The following LDLRAD3 variants were observed in gnomAD, a reference collection of about 807,000 sequenced individuals.
The protein encoded by LDLRAD3 is low density lipoprotein receptor class A domain containing 3.
In LDLRAD3, 20 loss-of-function variants were observed where a neutral mutation model predicts 29.4. The observed-to-expected ratio is 0.68, with a 90% CI of 0.48 to 0.99. The LOEUF is 0.99. LDLRAD3 is among the 50% of genes least tolerant of loss of function. LDLRAD3 has a pLI of 0.00. For synonymous variants in LDLRAD3, 157 were observed against 192.7 expected (o/e 0.81, Z 1.53); for missense variants, 420 against 454.3 (o/e 0.92, Z 0.69).
intron 2 of LDLRAD3, among the ~76,000 whole-genome samples, chr11:36,050,980 A>G (rs1398735996): frequency 1.3e-5 from 2 of 152,100 alleles, no homozygotes; most frequent in African/African-American, 4.8e-5. Context: ...TAATGGCACT[A>G]ATCTCATTAA....
At chr11:36,013,466 C>A (rs1436727626) in intron 1 of LDLRAD3, among the ~76,000 whole-genome samples, 1 of 150,026 alleles carries the variant, frequency 6.7e-6, no homozygotes, top group African/African-American at 2.5e-5. Flanking sequence ...TTGCCCCCCA[C>A]CCCCCTACAG....
chr11:36,228,322 A>G (rs1855527894), intron 5 of LDLRAD3, among the ~76,000 whole-genome samples: 1 of 152,208 alleles, frequency 6.6e-6, no homozygotes, highest in East Asian at 1.9e-4. Flanking sequence ...AAATAAGTGT[A>G]AGAATTCAGG....
chr11:35,970,089 C>T (rs1289974457), intron 1 of LDLRAD3, among the ~76,000 whole-genome samples: 1 of 152,190 alleles, frequency 6.6e-6, no homozygotes, highest in Non-Finnish European at 1.5e-5. Context: ...TTACTGTGTG[C>T]TCCGGGTACT....
intron 3 of LDLRAD3, among the ~76,000 whole-genome samples, chr11:36,084,174 C>T (rs1258746419): frequency 1.3e-5 from 2 of 152,216 alleles, no homozygotes; most frequent in African/African-American, 4.8e-5. Flanking sequence ...ATCCTCCCGC[C>T]TTGGGTTCCC....
Position 36,123,163 on chromosome 11 carries a change from G to A in LDLRAD3, c.454+24702G>A, listed in dbSNP as rs530672782. On this transcript the variant is annotated intron_variant, in intron 4 of 5. Transcript: ENST00000315571. ...GATGGCACCACTGCATTCCAGCCTG[G>A]GCGACAGAGCGAGACTCCGTCTCAA... is the stretch of plus-strand genomic sequence containing the variant. 2.0e-5 allele frequency among the ~76,000 whole-genome samples: 3 copies of A among 152,284 alleles called. No individual in the cohort carries two copies. The South Asian group carries it at 6.2e-4, about 32-fold the overall frequency.
intron 2 of LDLRAD3, among the ~76,000 whole-genome samples, chr11:36,039,647 T>C (rs1413259343): frequency 6.6e-6 from 1 of 152,186 alleles, no homozygotes; most frequent in Non-Finnish European, 1.5e-5. Flanking sequence ...ACGGTTCAAT[T>C]ATCTGCTTTT....
intron 1 of LDLRAD3, among the ~76,000 whole-genome samples, chr11:36,033,024 A>G (rs954180118): frequency 6.6e-6 from 1 of 151,854 alleles, no homozygotes; most frequent in African/African-American, 2.4e-5. Flanking sequence ...ACAGGTGTGC[A>G]CCACCACACC....
intron 4 of LDLRAD3, among the ~76,000 whole-genome samples, chr11:36,216,142 A>G (rs1370708386): frequency 6.6e-6 from 1 of 152,206 alleles, no homozygotes; most frequent in Non-Finnish European, 1.5e-5. Context: ...GCCTCACTGT[A>G]TCACGAGAAG....
chr11:36,127,347 G>A (rs916946007), intron 4 of LDLRAD3, among the ~76,000 whole-genome samples: 2 of 152,168 alleles, frequency 1.3e-5, no homozygotes, highest in African/African-American at 2.4e-5. Context: ...AGTACTGAGA[G>A]GAAGGTGTTT....
intron 4 of LDLRAD3, among the ~76,000 whole-genome samples, chr11:36,142,841 T>TA (rs890132871): frequency 9.2e-5 from 14 of 152,180 alleles, no homozygotes; most frequent in East Asian, 5.8e-4. Flanking sequence ...TCTTGATTTT[T>TA]AAATATTGAA....
At chr11:36,181,316 T>C (rs1854759940) in intron 4 of LDLRAD3, among the ~76,000 whole-genome samples, 2 of 152,326 alleles carry the variant, frequency 1.3e-5, no homozygotes, top group Middle Eastern at 3.4e-3. Flanking sequence ...GTTCTCTGTC[T>C]TTTTGCAGCT....
chr11:35,983,056 G>T (rs975129174), intron 1 of LDLRAD3, among the ~76,000 whole-genome samples: 1 of 152,068 alleles, frequency 6.6e-6, no homozygotes, highest in Non-Finnish European at 1.5e-5. Context: ...GTTTTACCAT[G>T]TTGGCCAGGC....
At chr11:36,119,135 A>C (rs769369899) in intron 4 of LDLRAD3, among the ~76,000 whole-genome samples, 20 of 152,170 alleles carry the variant, frequency 1.3e-4, no homozygotes, top group Non-Finnish European at 2.1e-4. Context: ...TTCGTCCGTA[A>C]TTTTCTTGAT....
intron 4 of LDLRAD3, among the ~76,000 whole-genome samples, chr11:36,203,591 G>A (rs983109594): frequency 1.3e-5 from 2 of 152,160 alleles, no homozygotes; most frequent in South Asian, 2.1e-4. Flanking sequence ...GCCGGAGTGC[G>A]AGTGTTGGAC....
Position 36,036,162 on chromosome 11 carries a change from A to C in LDLRAD3, c.106A>C (p.Met36Leu). 6.2e-7 allele frequency: 1 copy of C among 1,614,148 alleles called. No homozygotes were observed. Among genetic ancestry groups the C allele is most frequent in the Non-Finnish European group, 8.5e-7 (1 of 1,180,022 alleles). The part of the protein sequence containing the change: ...TNECNIPGNF[M>L]CSNGRCIPGA... ...TGAGTGCAACATACCAGGCAACTTCATGTGCAGCAATGGACGGTGCATCCC... is the reference window on the plus strand; with the variant it reads ...TGAGTGCAACATACCAGGCAACTTCCTGTGCAGCAATGGACGGTGCATCCC... Residue 36 changes from methionine (M) to leucine (L), a missense_variant, in exon 2 of 6, where the codon ATG becomes CTG. Physicochemically the swap from Met to Leu is conservative, Grantham distance 15. Coordinates refer to ENST00000315571, the MANE Select transcript of LDLRAD3 (RefSeq NM_174902.4).
Position 35,944,073 on chromosome 11 carries a change from C to G in LDLRAD3, c.-26C>G, listed in dbSNP as rs1851021725. 1.9e-6 allele frequency: 2 copies of G among 1,074,710 alleles called. No individual in the cohort carries two copies. Among genetic ancestry groups the G allele is most frequent in the Non-Finnish European group, 2.3e-6 (2 of 888,324 alleles). 66.6% of individuals were successfully genotyped at this position (1,074,710 alleles called of 1,614,324 possible). A position where few individuals can be genotyped will look rare whatever the true frequency, so the allele number is the denominator to read the frequency against. On this transcript the variant is annotated 5_prime_UTR_variant, in exon 1 of 6. Coordinates refer to ENST00000315571, the MANE Select transcript of LDLRAD3 (RefSeq NM_174902.4). This position sits in a 1 kb window ranked among gnomAD's most constrained non-coding sequence, Gnocchi z 4.9. ...GAGGCCGCGGGGGCAGCAACGACGCCGGGCAGCGGGAGCGGCGGCCGCGCC... is the reference window on the plus strand; with the variant it reads ...GAGGCCGCGGGGGCAGCAACGACGCGGGGCAGCGGGAGCGGCGGCCGCGCC...
chr11:35,995,603 G>T (rs1023654875), intron 1 of LDLRAD3, among the ~76,000 whole-genome samples: 1 of 152,324 alleles, frequency 6.6e-6, no homozygotes, highest in African/African-American at 2.4e-5. Context: ...TTGAAGCCAG[G>T]CATTGACTTA....
intron 1 of LDLRAD3, among the ~76,000 whole-genome samples, chr11:35,991,596 A>C (rs1851690250): frequency 6.6e-6 from 1 of 152,212 alleles, no homozygotes; most frequent in Admixed American, 6.5e-5. Flanking sequence ...CAATGGCGAC[A>C]GCTTCTTCCA....
intron 2 of LDLRAD3, among the ~76,000 whole-genome samples, chr11:36,053,417 C>T (rs1852557590): frequency 6.6e-6 from 1 of 152,106 alleles, no homozygotes; most frequent in African/African-American, 2.4e-5. Flanking sequence ...CTGTGGAGCG[C>T]CTTACGTGCT....
Sources: allele counts gnomAD v4.1 joint callset (sites outside exome capture counted in the v4.1 genomes callset), GRCh38; gene constraint gnomAD v4.1.1; non-coding constraint Gnocchi (gnomAD v3.1); transcripts MANE v1.5; gene names NCBI Gene and HGNC (gene_info 2026-07-23, HGNC 2026-07-21).